GRM7: variants seen among roughly 807,000 people sequenced by gnomAD.
GRM7 encodes glutamate metabotropic receptor 7.
Under a neutral mutation model 84.5 loss-of-function variants are expected in GRM7, and 35 were observed. The ratio of observed to expected loss-of-function variants is 0.41; its 90% CI spans 0.32 to 0.55. The LOEUF is 0.55. GRM7 is among the 20% of genes least tolerant of loss of function. The pLI is 0.19. For missense variants in GRM7, 1,003 were observed against 1,194.6 expected (o/e 0.84, Z 2.36); for synonymous variants, 487 against 455.1 (o/e 1.07, Z -0.89).
Position 7,653,037 on chromosome 3 carries a change from C to T in GRM7, c.2452-27012C>T, listed in dbSNP as rs180716746. Among the ~76,000 whole-genome samples, 241 of 152,134 alleles carry T rather than the reference C, an allele frequency of 1.6e-3. 2 individuals are homozygous for T. The highest frequency in any genetic ancestry group is 5.2e-3 in the African/African-American group (216 of 41,504). On this transcript the variant is annotated intron_variant, in intron 8 of 9. Transcript: ENST00000357716. Reference sequence around the variant, plus strand: ...CTCCCCGCCTGGCTAACAATCTCACCGCCACATCATTGCTCACATTTCCCC... The same window carrying T: ...CTCCCCGCCTGGCTAACAATCTCACTGCCACATCATTGCTCACATTTCCCC...
chr3:7,396,724 G>T (rs914321640), intron 4 of GRM7, among the ~76,000 whole-genome samples: 2 of 152,058 alleles, frequency 1.3e-5, no homozygotes, highest in African/African-American at 4.8e-5. Flanking sequence ...CATGAGGAAT[G>T]CATAAACCCT....
At chr3:7,333,832 C>G (rs1201689459) in intron 4 of GRM7, among the ~76,000 whole-genome samples, 1 of 151,950 alleles carries the variant, frequency 6.6e-6, no homozygotes, top group Non-Finnish European at 1.5e-5. Context: ...TGGACAGTTT[C>G]AGCAATAGAA....
intron 7 of GRM7, among the ~76,000 whole-genome samples, chr3:7,490,643 C>T (rs1490635487): frequency 1.3e-5 from 2 of 152,130 alleles, no homozygotes; most frequent in African/African-American, 4.8e-5. Context: ...TGCTATTAAT[C>T]ATTGTTGAAG....
At chr3:7,084,001 A>G (rs1031296419) in intron 1 of GRM7, among the ~76,000 whole-genome samples, 10 of 152,104 alleles carry the variant, frequency 6.6e-5, no homozygotes, top group African/African-American at 4.8e-5. Flanking sequence ...TAAAAGCTGA[A>G]GTAGATTTTG....
chr3:7,507,457 C>T (rs759659806), intron 7 of GRM7, among the ~76,000 whole-genome samples: 2 of 152,178 alleles, frequency 1.3e-5, no homozygotes, highest in African/African-American at 2.4e-5. Flanking sequence ...AACGTTTCTT[C>T]TAAAAAAGTA....
intron 4 of GRM7, among the ~76,000 whole-genome samples, chr3:7,397,993 A>G (rs573740585): frequency 1.1e-4 from 17 of 152,238 alleles, no homozygotes; most frequent in African/African-American, 3.9e-4. Flanking sequence ...TGTGATATAA[A>G]CGAAACACCA....
chr3:7,032,140 G>A (rs936404588), intron 1 of GRM7, among the ~76,000 whole-genome samples: 1 of 152,206 alleles, frequency 6.6e-6, no homozygotes, highest in Non-Finnish European at 1.5e-5. Context: ...AAGCCAGCTT[G>A]TGGAACAACA....
chr3:7,122,784 TC>T (rs2125045277), intron 1 of GRM7, among the ~76,000 whole-genome samples: 1 of 152,338 alleles, frequency 6.6e-6, no homozygotes, highest in East Asian at 1.9e-4. Context: ...GGTAGATACC[TC>T]CCATCAGACA....
intron 5 of GRM7, among the ~76,000 whole-genome samples, chr3:7,442,605 G>A (rs770128083): frequency 3.4e-4 from 51 of 152,126 alleles, no homozygotes; most frequent in Admixed American, 1.3e-3. Context: ...AGGTGAAGGG[G>A]CATGGTAGCA....
chr3:7,319,935 C>T (rs1368985117), intron 4 of GRM7, among the ~76,000 whole-genome samples: 1 of 151,952 alleles, frequency 6.6e-6, no homozygotes, highest in East Asian at 1.9e-4. Context: ...CCAAGGTAAC[C>T]ACTACACAAA....
chr3:6,922,538 T>G (rs956209936), intron 1 of GRM7, among the ~76,000 whole-genome samples: 6 of 152,234 alleles, frequency 3.9e-5, no homozygotes, highest in African/African-American at 1.4e-4. Context: ...TTTTTAAATT[T>G]ATCACTTCTT....
At chr3:7,099,658 ATATG>A (rs1476006032) in intron 1 of GRM7, among the ~76,000 whole-genome samples, 2 of 107,996 alleles carry the variant, frequency 1.9e-5, no homozygotes, top group African/African-American at 1.0e-4. Context: ...ACATATATGT[ATATG>A]TACACGCATT....
rs567720328 is a variant in GRM7 at position 7,360,147 on chromosome 3, G to C, written c.1033+53495G>C. On this transcript the variant is annotated intron_variant, in intron 4 of 9. Transcript: ENST00000357716. ...CCCTTTTTTTTCCCTCTGTGTGTGTGTGTGTGTGTGTGTGTGTGTGTGTGT... is the reference window on the plus strand; with the variant it reads ...CCCTTTTTTTTCCCTCTGTGTGTGTCTGTGTGTGTGTGTGTGTGTGTGTGT... 1.9e-3 allele frequency among the ~76,000 whole-genome samples: 250 copies of C among 134,478 alleles called. 26 individuals are homozygous for C. The highest frequency in any genetic ancestry group is 8.7e-3 in the African/African-American group (244 of 28,166). 88.2% of individuals were successfully genotyped at this position (134,478 alleles called of 152,430 possible).
At chr3:7,597,683 A>G (rs938419484) in intron 8 of GRM7, among the ~76,000 whole-genome samples, 2 of 152,082 alleles carry the variant, frequency 1.3e-5, no homozygotes, top group Admixed American at 1.3e-4. Flanking sequence ...GGTGTGGCTC[A>G]TTTTTGGTTT....
At position 7,385,798 on chromosome 3, in the gene GRM7, G is replaced by A. The variant is rs535254515; in HGVS notation, c.1034-29225G>A. Among the ~76,000 whole-genome samples the A allele has an allele frequency of 7.2e-5, 11 of 152,288 alleles. No homozygotes were observed. The South Asian group carries it at 1.7e-3, about 23-fold the overall frequency. On this transcript the variant is annotated intron_variant, in intron 4 of 9. Coordinates refer to ENST00000357716, the MANE Select transcript of GRM7 (RefSeq NM_000844.4). ...ATTCTTAGCATTCTTGTTGGCAGAA[G>A]CCAAATATTAACAGTAACCTAATAT...
chr3:7,693,243 T>A (rs963876748), intron 9 of GRM7, among the ~76,000 whole-genome samples: 15 of 152,298 alleles, frequency 9.8e-5, no homozygotes, highest in Non-Finnish European at 2.2e-4. Context: ...ATAAAAAGAC[T>A]CACCTCTGCT....
chr3:7,209,880 G>T (rs986633246), intron 2 of GRM7, among the ~76,000 whole-genome samples: 7 of 152,132 alleles, frequency 4.6e-5, no homozygotes, highest in Admixed American at 2.0e-4. Context: ...AGGATCAACG[G>T]TCTCGGCAGG....
chr3:7,334,485 A>C (rs1701326725), intron 4 of GRM7, among the ~76,000 whole-genome samples: 1 of 141,122 alleles, frequency 7.1e-6, no homozygotes. Flanking sequence ...CCCACAAAAA[A>C]AATAGAAAAA....
intron 3 of GRM7, among the ~76,000 whole-genome samples, chr3:7,305,977 T>C (rs1700181151): frequency 6.6e-6 from 1 of 152,220 alleles, no homozygotes; most frequent in South Asian, 2.1e-4. Context: ...TATAATACTT[T>C]CAATCATACA....
Sources: gnomAD v4.1 joint callset for allele counts (sites outside exome capture counted in the v4.1 genomes callset) on GRCh38, gnomAD v4.1.1 for gene constraint, MANE v1.5 for transcripts, NCBI Gene and HGNC (gene_info 2026-07-23, HGNC 2026-07-21) for gene names.